The following NME7 variants were observed in gnomAD, a reference collection of about 807,000 sequenced individuals.
The protein encoded by NME7 is nucleoside diphosphate kinase 7.
NME7 carries 41 observed loss-of-function variants against 49.1 expected under a neutral mutation model. That is an observed-to-expected ratio of 0.83 (90% confidence interval 0.65 to 1.08). The LOEUF (loss-of-function observed/expected upper bound fraction) is 1.08. NME7 is among the 50% of genes least tolerant of loss of function. The pLI is 0.00. For missense variants in NME7, 423 were observed against 463.4 expected, an observed-to-expected ratio of 0.91 and a Z score of 0.80; for synonymous variants, 139 against 150.6, an observed-to-expected ratio of 0.92 and a Z score of 0.56.
intron 7 of NME7, among the ~76,000 whole-genome samples, chr1:169,259,102 CATTGTAAAATATAAAATATACTTTT>C (rs1219506474): frequency 7.5e-6 from 1 of 133,420 alleles, no homozygotes; most frequent in African/African-American, 2.5e-5. Context: ...ATACATTTTA[CATTGTAAAATATAAAATATACTTTT>C]ATGGTAAAAT....
rs768600270 is a variant in NME7, at chr1:169,323,206, G to A, written c.189C>T (p.Gly63=). 1.2e-6 allele frequency: 2 copies of A among 1,607,824 alleles called. No homozygotes were observed. Among genetic ancestry groups the A allele is most frequent in the Non-Finnish European group, 1.7e-6 (2 of 1,177,184 alleles). The change falls in exon 3 of 12, where the codon GGC becomes GGT. Residue 63 remains glycine, a synonymous_variant. Transcript: ENST00000367811. The part of the protein sequence containing the change: ...DNLHLEDLFI[G]NKVNVFSRQL... ...GTCGAGAAAAGACATTCACTTTGTT[G>A]CCTATAAATAAATCTTCCAAGTGCA...
chr1:169,339,455 A>AAT lies in NME7; in HGVS notation c.4-14957_4-14956dup, dbSNP rs1013151882. ...TATAATGGCATGAAAATATTTAAGCAATTATAAACTACTCAATGTTCAGAT... is the reference window on the plus strand; with the variant it reads ...TATAATGGCATGAAAATATTTAAGCAATATTATAAACTACTCAATGTTCAGAT... On this transcript the variant is annotated intron_variant, in intron 1 of 11. Coordinates refer to ENST00000367811, the MANE Select transcript of NME7 (RefSeq NM_013330.5). 2.6e-4 allele frequency among the ~76,000 whole-genome samples: 40 copies of AAT among 152,322 alleles called. 1 individual carries two copies. Among genetic ancestry groups the AAT allele is most frequent in the African/African-American group, 9.4e-4 (39 of 41,574 alleles).
At chr1:169,355,144 A>ATATATT (rs1653377429) in intron 1 of NME7, among the ~76,000 whole-genome samples, 3 of 31,368 alleles carry the variant, frequency 9.6e-5, no homozygotes, top group African/African-American at 3.4e-4. Flanking sequence ...TATAATATAT[A>ATATATT]ATATACTATA....
chr1:169,314,354 AAAG>A (rs1451349427), intron 3 of NME7, among the ~76,000 whole-genome samples: 1 of 152,126 alleles, frequency 6.6e-6, no homozygotes, highest in East Asian at 1.9e-4. Context: ...CTTAGATTTT[AAAG>A]AAGGAGGTTA....
intron 10 of NME7, among the ~76,000 whole-genome samples, chr1:169,228,608 C>T (rs1467985967): frequency 6.9e-6 from 1 of 144,372 alleles, no homozygotes; most frequent in Non-Finnish European, 1.5e-5. Flanking sequence ...ACCCGGGAAG[C>T]GGAGCTTGCA....
At chr1:169,145,890 T>C (rs953433733) in intron 11 of NME7, among the ~76,000 whole-genome samples, 1 of 152,188 alleles carries the variant, frequency 6.6e-6, no homozygotes, top group African/African-American at 2.4e-5. Context: ...TATGAGAGTA[T>C]AGTGGGCCTG....
At chr1:169,294,696 T>C (rs575678389) in intron 6 of NME7, among the ~76,000 whole-genome samples, 1 of 152,236 alleles carries the variant, frequency 6.6e-6, no homozygotes, top group African/African-American at 2.4e-5. Context: ...GGTAAAAAAA[T>C]ATATATCCTA....
At chr1:169,266,928 C>T (rs906339664) in intron 7 of NME7, among the ~76,000 whole-genome samples, 1 of 131,784 alleles carries the variant, frequency 7.6e-6, no homozygotes, top group African/African-American at 2.6e-5. Context: ...ATTAGCTGAG[C>T]ATGGTGGTGC....
In NME7 at chr1:169,132,856, A is replaced by G. The variant is rs561514028; in HGVS notation, c.1099-39T>C. On this transcript the variant is annotated intron_variant, in intron 11 of 11. Transcript: ENST00000367811. ...ACACATAATTTCTTAGTTCAGACAA[A>G]TTTTGGTCTTTTCCACTTAACAGAG... 15 of 1,607,298 alleles carry G rather than the reference A, an allele frequency of 9.3e-6. No homozygotes were observed. In the East Asian group the frequency reaches 3.4e-4, roughly 36 times the overall value.
chr1:169,322,808 A>G (rs1023456894), intron 3 of NME7, among the ~76,000 whole-genome samples: 2 of 152,240 alleles, frequency 1.3e-5, no homozygotes, highest in African/African-American at 4.8e-5. Flanking sequence ...TGGAAAAAGG[A>G]AAGAATAGAT....
chr1:169,181,406 T>C (rs933196658), intron 10 of NME7, among the ~76,000 whole-genome samples: 9 of 148,194 alleles, frequency 6.1e-5, no homozygotes, highest in South Asian at 2.1e-4. Context: ...CACACATATA[T>C]ACACACACAT....
rs114244577 is a variant in NME7 at position 169,233,160 on chromosome 1, T to C, written c.888+1971A>G. ...TGTATTGTTGGGTTTATAGCATATA[T>C]AGATGTAAAATGTATGAGAACAACA... On this transcript the variant is annotated intron_variant, in intron 9 of 11. Transcript: ENST00000367811. Among the ~76,000 whole-genome samples, 303 of 152,146 alleles carry C rather than the reference T, an allele frequency of 2.0e-3. 4 individuals carry two copies. Among genetic ancestry groups the C allele is most frequent in the African/African-American group, 7.1e-3 (294 of 41,506 alleles).
intron 6 of NME7, among the ~76,000 whole-genome samples, chr1:169,288,320 T>C (rs1198684581): frequency 6.6e-6 from 1 of 152,164 alleles, no homozygotes; most frequent in African/African-American, 2.4e-5. Flanking sequence ...AAATAGCCCT[T>C]GGTATACACA....
intron 6 of NME7, among the ~76,000 whole-genome samples, chr1:169,293,622 T>A (rs957330110): frequency 3.9e-5 from 6 of 152,144 alleles, no homozygotes; most frequent in Admixed American, 2.6e-4. Context: ...TTAAAATAAG[T>A]CTCACCTTAT....
chr1:169,304,140 T>C lies in NME7; in HGVS notation c.390-945A>G, dbSNP rs143495809. Among the ~76,000 whole-genome samples the C allele has an allele frequency of 6.9e-3, 1,048 of 152,328 alleles. 15 individuals are homozygous for C. Among genetic ancestry groups the C allele is most frequent in the African/African-American group, 0.024 (985 of 41,562 alleles). On this transcript the variant is annotated intron_variant, in intron 4 of 11. Coordinates refer to ENST00000367811, the MANE Select transcript of NME7 (RefSeq NM_013330.5). ...GTTTATTAATTGTAACAGGGATTTA[T>C]TTTTACATTTATATTACCACTAAAG...
intron 1 of NME7, among the ~76,000 whole-genome samples, chr1:169,360,155 T>A (rs1653605396): frequency 6.6e-6 from 1 of 152,188 alleles, no homozygotes; most frequent in African/African-American, 2.4e-5. Flanking sequence ...CTATAATGCA[T>A]ACCCATCTGG....
intron 11 of NME7, among the ~76,000 whole-genome samples, chr1:169,156,083 C>G (rs376818092): frequency 1.4e-5 from 2 of 147,658 alleles, no homozygotes; most frequent in South Asian, 2.1e-4. Context: ...TTTGAGAGAC[C>G]AAGGTGGGAC....
intron 1 of NME7, among the ~76,000 whole-genome samples, chr1:169,329,059 C>T (rs1370848217): frequency 6.6e-6 from 1 of 152,164 alleles, no homozygotes; most frequent in South Asian, 2.1e-4. Context: ...GCACAAGGGA[C>T]CAATCCTGAA....
intron 11 of NME7, among the ~76,000 whole-genome samples, chr1:169,157,263 C>T (rs1659104784): frequency 6.6e-6 from 1 of 152,166 alleles, no homozygotes; most frequent in South Asian, 2.1e-4. Flanking sequence ...ACTCAACAGA[C>T]TAAAAGCCTG....
Sources: gnomAD v4.1 joint callset for allele counts (sites outside exome capture counted in the v4.1 genomes callset) on GRCh38, gnomAD v4.1.1 for gene constraint, MANE v1.5 for transcripts, NCBI Gene and HGNC (gene_info 2026-07-23, HGNC 2026-07-21) for gene names.